Variants in PRELID2 observed in about 807,000 individuals in gnomAD.
The protein encoded by PRELID2 is PRELI domain-containing protein 2.
In PRELID2, 25 loss-of-function variants were observed where a neutral mutation model predicts 28.4. That is an observed-to-expected ratio of 0.88 (90% CI 0.64 to 1.23). The LOEUF (loss-of-function observed/expected upper bound fraction) is 1.23. PRELID2 is among the 50% of genes most tolerant of loss of function. PRELID2 has a pLI of 0.00. For missense variants in PRELID2, 201 were observed against 214.4 expected (o/e 0.94, Z 0.39); for synonymous variants, 76 against 71.6 (o/e 1.06, Z -0.31).
the PRELID2 span, among the ~76,000 whole-genome samples, chr5:145,315,146 T>A: frequency 6.8e-6 from 1 of 147,486 alleles, no homozygotes; most frequent in East Asian, 2.1e-4. Flanking sequence ...CTCAGCTCAC[T>A]GCAACCTCCG....
rs142885340 is a variant in PRELID2 at position 145,573,378 on chromosome 5, C to T, written n.71-100063G>A. The stretch of plus-strand genomic sequence containing the variant: ...TAAGTTCTGGGATACATGTGCAGAA[C>T]GTGCAGGTTTCTTATATAGGTATAC... On this transcript the variant is annotated intron_variant and non_coding_transcript_variant, in intron 1 of 2. Coordinates refer to the PRELID2 transcript ENST00000510259. Among the ~76,000 whole-genome samples the T allele has an allele frequency of 6.8e-3, 1,038 of 151,770 alleles. 11 individuals are homozygous for T. The highest frequency in any genetic ancestry group is 0.013 in the East Asian group (67 of 5,144).
intron 1 of PRELID2, among the ~76,000 whole-genome samples, chr5:145,514,330 A>AAAAAAAAAAAAG (rs1752493948): frequency 6.6e-6 from 1 of 151,438 alleles, no homozygotes; most frequent in Non-Finnish European, 1.5e-5. Context: ...AAAAAAAAAA[A>AAAAAAAAAAAAG]AAAGCATGGG....
At chr5:145,355,747 T>C in the PRELID2 span, among the ~76,000 whole-genome samples, 1 of 152,190 alleles carries the variant, frequency 6.6e-6, no homozygotes, top group African/African-American at 2.4e-5. Context: ...TACCATTTAC[T>C]AATAGTGTTA....
At chr5:145,705,732 CTA>C (rs1435276796) in intron 1 of PRELID2, among the ~76,000 whole-genome samples, 1 of 152,074 alleles carries the variant, frequency 6.6e-6, no homozygotes, top group Non-Finnish European at 1.5e-5. Flanking sequence ...GAGGAAGCAG[CTA>C]TAGATAATAT....
intron 1 of PRELID2, among the ~76,000 whole-genome samples, chr5:145,681,482 C>A (rs796095504): frequency 6.6e-6 from 1 of 152,192 alleles, no homozygotes; most frequent in Non-Finnish European, 1.5e-5. Flanking sequence ...TTTATGAAGG[C>A]TCTGCCACTT....
At chr5:145,611,893 C>A (rs1011219712) in intron 1 of PRELID2, among the ~76,000 whole-genome samples, 10 of 152,088 alleles carry the variant, frequency 6.6e-5, no homozygotes, top group Non-Finnish European at 1.5e-4. Context: ...TATGAGAAGT[C>A]AAGATTTACT....
chr5:145,735,062 T>C (rs1047039470), intron 1 of PRELID2, among the ~76,000 whole-genome samples: 4 of 147,628 alleles, frequency 2.7e-5, no homozygotes, highest in Non-Finnish European at 4.5e-5. Context: ...CTGGCCAACA[T>C]GATGAAACCC....
chr5:145,255,329 A>G, the PRELID2 span, among the ~76,000 whole-genome samples: 1 of 152,184 alleles, frequency 6.6e-6, no homozygotes, highest in African/African-American at 2.4e-5. Context: ...ATACACAGAA[A>G]GGATAAATGG....
At chr5:145,648,863 G>A (rs529852372) in intron 1 of PRELID2, among the ~76,000 whole-genome samples, 12 of 150,786 alleles carry the variant, frequency 8.0e-5, no homozygotes, top group South Asian at 2.1e-4. Flanking sequence ...ACCTTTCATC[G>A]TGTTTTGTCT....
At chr5:145,517,028 A>G (rs1274078114) in intron 1 of PRELID2, among the ~76,000 whole-genome samples, 1 of 152,230 alleles carries the variant, frequency 6.6e-6, no homozygotes, top group Admixed American at 6.5e-5. Context: ...CTAAAACCAT[A>G]AAAACCCAGA....
intron 1 of PRELID2, among the ~76,000 whole-genome samples, chr5:145,569,668 T>G (rs908861070): frequency 6.6e-6 from 1 of 152,174 alleles, no homozygotes; most frequent in African/African-American, 2.4e-5. Context: ...ATTGCTCAGG[T>G]TAAGGGAGAA....
the PRELID2 span, among the ~76,000 whole-genome samples, chr5:145,319,744 A>C: frequency 6.6e-6 from 1 of 151,802 alleles, no homozygotes; most frequent in African/African-American, 2.4e-5. Context: ...TTAAAAAGTA[A>C]CTCCACCGAT....
At chr5:145,667,682 T>C (rs939666891) in intron 1 of PRELID2, among the ~76,000 whole-genome samples, 3 of 152,072 alleles carry the variant, frequency 2.0e-5, no homozygotes, top group Non-Finnish European at 2.9e-5. Context: ...TCAAACTCCA[T>C]CTCTACTACC....
At position 145,731,588 on chromosome 5, in the gene PRELID2, G is replaced by A. The variant is rs1756347580; in HGVS notation, n.70+33343C>T. ...AGTAAAATGAGGCTAATTACAACAT[G>A]GCAGGTCATTTCTCCCTTCCTCACT... On this transcript the variant is annotated intron_variant and non_coding_transcript_variant, in intron 1 of 2. Transcript: ENST00000510259. 3.3e-5 allele frequency among the ~76,000 whole-genome samples: 5 copies of A among 152,128 alleles called. No homozygotes were observed. In the South Asian group the frequency reaches 1.0e-3, roughly 32 times the overall value.
At chr5:145,732,207 C>G (rs749389908) in intron 1 of PRELID2, among the ~76,000 whole-genome samples, 3 of 152,234 alleles carry the variant, frequency 2.0e-5, no homozygotes, top group Non-Finnish European at 4.4e-5. Flanking sequence ...AGTCCTTTAT[C>G]TTGCTGAATC....
chr5:145,258,186 G>A, the PRELID2 span, among the ~76,000 whole-genome samples: 7 of 152,150 alleles, frequency 4.6e-5, no homozygotes, highest in Admixed American at 4.6e-4. Context: ...CCAGTCTCAG[G>A]TATTTCTTTA....
At chr5:145,343,626 A>T in the PRELID2 span, among the ~76,000 whole-genome samples, 1 of 151,928 alleles carries the variant, frequency 6.6e-6, no homozygotes, top group Non-Finnish European at 1.5e-5. Flanking sequence ...AACAAGATCA[A>T]ACCATACCCA....
intron 5 of PRELID2, among the ~76,000 whole-genome samples, chr5:145,769,324 C>G (rs140294218): frequency 3.9e-5 from 6 of 152,116 alleles, no homozygotes; most frequent in African/African-American, 1.4e-4. Context: ...AATACCAGAG[C>G]TGTGCTGACC....
intron 1 of PRELID2, among the ~76,000 whole-genome samples, chr5:145,660,807 A>C (rs1016627215): frequency 5.3e-5 from 8 of 152,230 alleles, no homozygotes; most frequent in Non-Finnish European, 2.9e-5. Context: ...AATGCATCTG[A>C]AGAGTTTGAA....
Sources: allele counts gnomAD v4.1 joint callset (sites outside exome capture counted in the v4.1 genomes callset), GRCh38; gene constraint gnomAD v4.1.1; transcripts MANE v1.5; gene names NCBI Gene and HGNC (gene_info 2026-07-23, HGNC 2026-07-21).